Variants in SLAMF8 observed in about 807,000 individuals in gnomAD.
The protein encoded by SLAMF8 is B lymphocyte activator macrophage expressed.
A neutral mutation model predicts 29.0 loss-of-function variants in SLAMF8; 23 were observed. The observed-to-expected ratio is 0.79, with a 90% confidence interval of 0.57 to 1.13. SLAMF8 has a LOEUF of 1.13. Among genes scored for constraint, SLAMF8 ranks in the 50% most tolerant of loss-of-function variants. The probability of loss-of-function intolerance (pLI) is 0.00; values close to 1 mark genes in which losing one functional copy is unlikely to be tolerated. For missense variants in SLAMF8, 381 were observed against 353.1 expected (o/e 1.08, Z -0.63); for synonymous variants, 139 against 145.6 (o/e 0.96, Z 0.32).
chr1:159,828,852 C>T (rs1038935255), intron 1 of SLAMF8, among the ~76,000 whole-genome samples: 1 of 150,448 alleles, frequency 6.6e-6, no homozygotes, highest in South Asian at 2.1e-4. Context: ...GTCAGGGGGG[C>T]ACTTCAAGGA....
intron 1 of SLAMF8, among the ~76,000 whole-genome samples, chr1:159,829,391 A>G (rs1647307665): frequency 6.6e-6 from 1 of 152,148 alleles, no homozygotes; most frequent in Non-Finnish European, 1.5e-5. Flanking sequence ...AACTACTCTC[A>G]GTTCCCCTGG....
In SLAMF8 at chr1:159,835,501, G is replaced by T. The variant is rs910375027; in HGVS notation, c.*241G>T. On this transcript the variant is annotated 3_prime_UTR_variant, in exon 5 of 5. Coordinates refer to ENST00000289707, the MANE Select transcript of SLAMF8 (RefSeq NM_020125.3). ...CATATCCTGGCTCTTCTCTGGGCAA[G>T]ATGAGCCAAGCAGAACATTCCATCC... 11 of 1,290,660 alleles carry T rather than the reference G, an allele frequency of 8.5e-6. No individual in the cohort carries two copies. Among genetic ancestry groups the T allele is most frequent in the Non-Finnish European group, 1.1e-5 (11 of 1,019,346 alleles). The allele number at this position is 1,290,660 out of a possible 1,614,324, so 80.0% of individuals were successfully genotyped here. A position where few individuals can be genotyped will look rare whatever the true frequency, so the allele number is the denominator to read the frequency against.
chr1:159,828,500 C>T (rs1647235114), intron 1 of SLAMF8, among the ~76,000 whole-genome samples: 1 of 152,166 alleles, frequency 6.6e-6, no homozygotes, highest in Non-Finnish European at 1.5e-5. Flanking sequence ...TTATTCTTCC[C>T]TACACCCTGT....
At position 159,827,458 on chromosome 1, in the gene SLAMF8, C is replaced by T. The variant is rs4075092; in HGVS notation, c.40+520C>T. Among the ~76,000 whole-genome samples the T allele has an allele frequency of 4.3e-3, 654 of 152,174 alleles. 3 individuals carry two copies. The highest frequency in any genetic ancestry group is 0.015 in the African/African-American group (620 of 41,508). On this transcript the variant is annotated intron_variant, in intron 1 of 4. Coordinates refer to ENST00000289707, the MANE Select transcript of SLAMF8 (RefSeq NM_020125.3). ...GATGAGAGAGGCTAAATGTGGCCCACGTGGACTTAGGGGTGGCCGACGGTG... is the reference window on the plus strand; with the variant it reads ...GATGAGAGAGGCTAAATGTGGCCCATGTGGACTTAGGGGTGGCCGACGGTG...
intron 1 of SLAMF8, among the ~76,000 whole-genome samples, chr1:159,828,666 C>T (rs1647243451): frequency 6.6e-6 from 1 of 152,128 alleles, no homozygotes; most frequent in African/African-American, 2.4e-5. Context: ...GATGCTGACT[C>T]ATAAACAGGC....
At chr1:159,833,500 C>A in intron 4 of SLAMF8, 131 bp downstream of exon 4, 1 of 1,298,956 alleles carries the variant, frequency 7.7e-7, no homozygotes. Context: ...CATCTCTTGG[C>A]CTTCTCTAGC....
rs1371652558 is a variant in SLAMF8 at position 159,833,266 on chromosome 1, A to G, written c.678A>G (p.Pro226=). Residue 226 remains proline (P), a synonymous_variant, in exon 4 of 5, where the codon CCA becomes CCG. Transcript: ENST00000289707. The part of the protein sequence containing the change: ...PWDSCHHEAA[P]GKASYKDVLL... ...ACCCCACCCCTCCATGTTCAGCACC[A>G]GGGAAGGCCTCCTACAAAGATGTGC... is the stretch of plus-strand genomic sequence containing the variant. 1.2e-6 allele frequency: 2 copies of G among 1,614,154 alleles called. No individual in the cohort carries two copies. Among genetic ancestry groups the G allele is most frequent in the South Asian group, 2.2e-5 (2 of 91,084 alleles).
Position 159,836,162 on chromosome 1 carries a change from G to A in SLAMF8, c.*902G>A. The A allele has an allele frequency of 2.0e-6, 2 of 985,330 alleles. No individual in the cohort carries two copies. The highest frequency in any genetic ancestry group is 2.4e-6 in the Non-Finnish European group (2 of 829,824). The allele number at this position is 985,330 out of a possible 1,614,324, so 61.0% of individuals were successfully genotyped here. A position where few individuals can be genotyped will look rare whatever the true frequency, so the allele number is the denominator to read the frequency against. On this transcript the variant is annotated 3_prime_UTR_variant, in exon 5 of 5. Transcript: ENST00000289707. ...TGAGTCTTCCTGCCTGAAACTGAGA[G>A]AGTGAAGAACCATAAAACGCTATGC...
chr1:159,826,922 T>G lies in SLAMF8; in HGVS notation c.24T>G (p.Ser8Arg), dbSNP rs1245401772. ...AGATGGTCATGAGGCCCCTGTGGAG[T>G]CTGCTTCTCTGGGAAGGTAAGTGGG... MVMRPLW[S>R]LLLWEALLPI... Residue 8 changes from serine to arginine, a missense_variant, in exon 1 of 5, where the codon AGT becomes AGG. Coordinates refer to ENST00000289707, the MANE Select transcript of SLAMF8 (RefSeq NM_020125.3). The G allele has an allele frequency of 6.2e-7, 1 of 1,613,784 alleles. No homozygotes were observed.
intron 1 of SLAMF8, among the ~76,000 whole-genome samples, chr1:159,828,127 C>A (rs1378293328): frequency 6.6e-6 from 1 of 152,226 alleles, no homozygotes; most frequent in Non-Finnish European, 1.5e-5. Flanking sequence ...AGCCACCACA[C>A]CCAGCCCAAA....
Position 159,835,576 on chromosome 1 carries a change from C to G in SLAMF8, c.*316C>G. 1 of 1,098,432 alleles carries G rather than the reference C, an allele frequency of 9.1e-7. No individual in the cohort carries two copies. Among genetic ancestry groups the G allele is most frequent in the East Asian group, 5.8e-5 (1 of 17,342 alleles). The allele number at this position is 1,098,432 out of a possible 1,614,324, so 68.0% of individuals were successfully genotyped here. ...CCAGATCCATGGGGACATTAATAGT[C>G]CAAGGCATTCCCTCCCCCACCACTA... is the stretch of plus-strand genomic sequence containing the variant. On this transcript the variant is annotated 3_prime_UTR_variant, in exon 5 of 5. Coordinates refer to ENST00000289707, the MANE Select transcript of SLAMF8 (RefSeq NM_020125.3).
In SLAMF8 at chr1:159,833,153, G is replaced by A. The variant is rs369595777; in HGVS notation, c.645G>A (p.Thr215=). The change falls in exon 3 of 5, where the codon ACG becomes ACA. Residue 215 remains threonine, a synonymous_variant. Coordinates refer to ENST00000289707, the MANE Select transcript of SLAMF8 (RefSeq NM_020125.3). ...TCAGCTGGGACTTGGCCACAGTCAC[G>A]CCCTGGGATAGCTGTCATCATGAGG... ...NPVSWDLATV[T]PWDSCHHEAA... 1.0e-4 allele frequency: 163 copies of A among 1,614,014 alleles called. No individual in the cohort carries two copies. Among genetic ancestry groups the A allele is most frequent in the Middle Eastern group, 1.6e-4 (1 of 6,084 alleles).
In SLAMF8 at chr1:159,837,202, T is replaced by G; in HGVS notation, c.*1942T>G. On this transcript the variant is annotated 3_prime_UTR_variant, in exon 5 of 5. Coordinates refer to ENST00000289707, the MANE Select transcript of SLAMF8 (RefSeq NM_020125.3). ...GTTTGTAGCGTGGTGCACCAGGGCC[T>G]TGTTGAACAGATCCACACTGCTCTA... 4.1e-6 allele frequency: 4 copies of G among 984,764 alleles called. No individual in the cohort carries two copies. The highest frequency in any genetic ancestry group is 4.8e-6 in the Non-Finnish European group (4 of 829,794). 61.0% of individuals were successfully genotyped at this position (984,764 alleles called of 1,614,324 possible). A position where few individuals can be genotyped will look rare whatever the true frequency, so the allele number is the denominator to read the frequency against.
chr1:159,830,689 T>C (rs1647428786), intron 2 of SLAMF8, among the ~76,000 whole-genome samples: 1 of 152,190 alleles, frequency 6.6e-6, no homozygotes, highest in Non-Finnish European at 1.5e-5. Flanking sequence ...AAAAAAATGA[T>C]GTACCATACT....
In SLAMF8 at chr1:159,836,594, C is replaced by A. The variant is rs1032758170; in HGVS notation, c.*1334C>A. ...AAGAAACAGGGGTGGGTTTGAAGTA[C>A]TATTTTCCCAGGGTGGCTTCAATCT... On this transcript the variant is annotated 3_prime_UTR_variant, in exon 5 of 5. Coordinates refer to ENST00000289707, the MANE Select transcript of SLAMF8 (RefSeq NM_020125.3). 1.2e-5 allele frequency: 12 copies of A among 985,334 alleles called. No individual in the cohort carries two copies. Among genetic ancestry groups the A allele is most frequent in the Non-Finnish European group, 1.3e-5 (11 of 829,946 alleles). 61.0% of individuals were successfully genotyped at this position (985,334 alleles called of 1,614,324 possible).
intron 2 of SLAMF8, among the ~76,000 whole-genome samples, chr1:159,832,240 A>AT (rs1419932625): frequency 2.6e-5 from 4 of 152,160 alleles, no homozygotes; most frequent in South Asian, 4.1e-4. Flanking sequence ...CCTTCACAGC[A>AT]TTTTGCACCC....
At chr1:159,828,304 G>T (rs1415157136) in intron 1 of SLAMF8, among the ~76,000 whole-genome samples, 2 of 152,154 alleles carry the variant, frequency 1.3e-5, no homozygotes, top group Non-Finnish European at 2.9e-5. Flanking sequence ...GCTAGGTCTT[G>T]GCTGACATCC....
Position 159,836,874 on chromosome 1 carries a change from C to T in SLAMF8, c.*1614C>T. Reference sequence around the variant, plus strand: ...TCACCTTCCCCCAAGATTACCTGAACAGGGTCCATGGCCACTCAACCTGTC... The same window carrying T: ...TCACCTTCCCCCAAGATTACCTGAATAGGGTCCATGGCCACTCAACCTGTC... On this transcript the variant is annotated 3_prime_UTR_variant, in exon 5 of 5. Coordinates refer to ENST00000289707, the MANE Select transcript of SLAMF8 (RefSeq NM_020125.3). 3.0e-6 allele frequency: 3 copies of T among 985,534 alleles called. No homozygotes were observed. The South Asian group carries it at 1.4e-4, about 46-fold the overall frequency. The allele number at this position is 985,534 out of a possible 1,614,324, so 61.0% of individuals were successfully genotyped here.
intron 1 of SLAMF8, among the ~76,000 whole-genome samples, chr1:159,828,006 G>T (rs1210206384): frequency 4.6e-5 from 7 of 152,048 alleles, no homozygotes; most frequent in Non-Finnish European, 8.8e-5. Flanking sequence ...GCTAATGTTT[G>T]TATTTTTAGT....
Sources: allele counts gnomAD v4.1 joint callset (sites outside exome capture counted in the v4.1 genomes callset), GRCh38; gene constraint gnomAD v4.1.1; transcripts MANE v1.5; gene names NCBI Gene and HGNC (gene_info 2026-07-23, HGNC 2026-07-21).